The following PSG8 variants were observed in gnomAD, a reference collection of about 807,000 sequenced individuals.
The protein encoded by PSG8 is pregnancy-specific beta-1-glycoprotein 8.
PSG8 carries 57 observed loss-of-function variants against 42.5 expected under a neutral mutation model. That is an observed-to-expected ratio of 1.34 (90% CI 1.08 to 1.67). The LOEUF is 1.67. Among genes scored for constraint, PSG8 ranks in the 40% most tolerant of loss-of-function variants. The pLI is 0.00. For missense variants in PSG8, 783 were observed against 518.6 expected (o/e 1.51, Z -4.95); for synonymous variants, 280 against 196.8 (o/e 1.42, Z -3.54).
chr19:42,763,604 G>T (rs146779263), intron 2 of PSG8: 1 of 462,654 alleles, frequency 2.2e-6, no homozygotes, highest in Non-Finnish European at 3.8e-6. Flanking sequence ...AGTTCTCCAG[G>T]GTCTTTCTCA....
intron 2 of PSG8, among the ~76,000 whole-genome samples, chr19:42,762,760 G>T (rs1489787983): frequency 6.6e-6 from 1 of 152,082 alleles, no homozygotes; most frequent in East Asian, 1.9e-4. Context: ...TGAGGCAGGT[G>T]ATTTAGTTCT....
downstream of PSG8, chr19:42,754,137 T>A (rs1376706372): frequency 1.4e-6 from 2 of 1,397,780 alleles, no homozygotes; most frequent in Non-Finnish European, 1.9e-6. Context: ...GGCTGGGAAT[T>A]TTATGAAGAT....
intron 3 of PSG8, among the ~76,000 whole-genome samples, chr19:42,756,357 G>T (rs560820305): frequency 3.3e-5 from 5 of 152,276 alleles, no homozygotes; most frequent in South Asian, 2.1e-4. Flanking sequence ...TTTCATTTAT[G>T]CAAGGTGGGG....
Position 42,754,515 on chromosome 19 carries a change from C to A in PSG8, c.1061G>T (p.Cys354Phe), listed in dbSNP as rs1568373675. The change falls in exon 5 of 5, where the codon TGT becomes TTT. Residue 354 changes from cysteine (C) to phenylalanine (F), a missense_variant. Coordinates refer to ENST00000306511, the MANE Select transcript of PSG8 (RefSeq NM_182707.3). ...TGCCGGTGGGTTAGAGTCCGCAGAA[C>A]AGGACAAGTAGAGGACTTCTCCTGA... ...YRSGEVLYLSCSADSNPPAQY... is the reference protein window; with the variant it reads ...YRSGEVLYLSFSADSNPPAQY... 6.2e-7 allele frequency: 1 copy of A among 1,613,834 alleles called. No individual in the cohort carries two copies. The highest frequency in any genetic ancestry group is 8.5e-7 in the Non-Finnish European group (1 of 1,179,850).
At position 42,765,447 on chromosome 19, in the gene PSG8, A is replaced by C. The variant is rs980174734; in HGVS notation, c.64+71T>G. The stretch of plus-strand genomic sequence containing the variant: ...CTTCTTTCATTTTTTAGTACCCCAT[A>C]CTCTCAAGGAGACCCCATCCAGTCA... On this transcript the variant is annotated intron_variant, in intron 1 of 4. Transcript: ENST00000306511. 2.0e-4 allele frequency: 325 copies of C among 1,592,096 alleles called. 1 individual carries two copies. Among genetic ancestry groups the C allele is most frequent in the Middle Eastern group, 5.3e-4 (3 of 5,670 alleles).
chr19:42,757,271 G>A (rs192981124), intron 3 of PSG8, among the ~76,000 whole-genome samples: 4 of 152,132 alleles, frequency 2.6e-5, no homozygotes, highest in Non-Finnish European at 5.9e-5. Context: ...CAGAGGGCAG[G>A]TGGCTCTTCC....
chr19:42,752,801 G>T (rs1969814524), downstream of PSG8: 1 of 181,650 alleles, frequency 5.5e-6, no homozygotes, highest in African/African-American at 2.4e-5. Context: ...ATTTAAAGGG[G>T]ACTCTATTAT....
rs200221981 is a variant in PSG8 at position 42,765,548 on chromosome 19, G to A, written c.34C>T (p.Arg12Cys). ...GLLSAPPCTQ[R>C]ITWKGLLLTA... ...AGCAGGAGCCCCTTCCAGGTGATGC[G>A]CTGTGTGCAGGGAGGGGCTGAGAGG... Residue 12 changes from arginine to cysteine, a missense_variant, in exon 1 of 5, where the codon CGC becomes TGC. By Grantham distance (180) the Arg-to-Cys change is radical. Transcript: ENST00000306511. 3.1e-4 allele frequency: 493 copies of A among 1,611,246 alleles called. 7 individuals carry two copies. In the South Asian group the frequency reaches 4.1e-3, roughly 13 times the overall value.
intron 2 of PSG8, among the ~76,000 whole-genome samples, chr19:42,761,386 C>T (rs1448922924): frequency 6.6e-6 from 1 of 152,104 alleles, no homozygotes; most frequent in African/African-American, 2.4e-5. Context: ...AATGTTGGCA[C>T]AGTTTCTATA....
At chr19:42,756,219 T>C (rs1326860491) in intron 3 of PSG8, 1 of 152,200 alleles carries the variant, frequency 6.6e-6, no homozygotes, top group Non-Finnish European at 1.5e-5. Flanking sequence ...CATTCTACTC[T>C]CTGATTCCCT....
intron 4 of PSG8, 151 bp downstream of exon 4, chr19:42,754,837 A>G: frequency 6.7e-7 from 1 of 1,501,180 alleles, no homozygotes; most frequent in Non-Finnish European, 8.9e-7. Flanking sequence ...GTGCCTACCC[A>G]GGTTTTCCCA....
rs141315618 is a variant in PSG8 at position 42,764,650 on chromosome 19, T to G, written c.65-369A>C. ...TTTCTTTCCTGACACCTCCTTCAGATACCCTGGGTCTTCCCTTTCTGACCT... is the reference window on the plus strand; with the variant it reads ...TTTCTTTCCTGACACCTCCTTCAGAGACCCTGGGTCTTCCCTTTCTGACCT... On this transcript the variant is annotated intron_variant, in intron 1 of 4. Transcript: ENST00000306511. 4.5e-4 allele frequency among the ~76,000 whole-genome samples: 68 copies of G among 152,228 alleles called. No homozygotes were observed. In the South Asian group the frequency reaches 6.6e-3, roughly 15 times the overall value.
At chr19:42,755,531 A>G (rs1004158094) in intron 3 of PSG8, 24 of 751,018 alleles carry the variant, frequency 3.2e-5, no homozygotes, top group East Asian at 5.9e-5. Flanking sequence ...ACGTCAGTGG[A>G]AGTCACAGCC....
At position 42,761,167 on chromosome 19, in the gene PSG8, A is replaced by G. The variant is rs566409510; in HGVS notation, c.430+2749T>C. On this transcript the variant is annotated intron_variant, in intron 2 of 4. Coordinates refer to ENST00000306511, the MANE Select transcript of PSG8 (RefSeq NM_182707.3). ...ACTAGCATGCCTGACTCCATCTGGCATCTAGTCTCAGGCTGGCTGTCCTCA... is the reference window on the plus strand; with the variant it reads ...ACTAGCATGCCTGACTCCATCTGGCGTCTAGTCTCAGGCTGGCTGTCCTCA... Among the ~76,000 whole-genome samples the G allele has an allele frequency of 2.0e-5, 3 of 152,312 alleles. No homozygotes were observed. In the East Asian group the frequency reaches 5.8e-4, roughly 29 times the overall value.
In PSG8 at chr19:42,758,744, A is replaced by G. The variant is rs112514072; in HGVS notation, c.431-464T>C. The G allele has an allele frequency of 1.4e-3, 253 of 182,008 alleles. 1 individual carries two copies. Among genetic ancestry groups the G allele is most frequent in the Non-Finnish European group, 2.6e-3 (224 of 85,014 alleles). The allele number at this position is 182,008 out of a possible 1,614,324, so 11.3% of individuals were successfully genotyped here. A position where few individuals can be genotyped will look rare whatever the true frequency, so the allele number is the denominator to read the frequency against. ...TGATGGAACTTCCAATTGTCTTTAA[A>G]CCCTTTGGGTACTGGAAAGCCTGGC... On this transcript the variant is annotated intron_variant, in intron 2 of 4. Transcript: ENST00000306511.
intron 2 of PSG8, among the ~76,000 whole-genome samples, chr19:42,762,417 G>T (rs1161185181): frequency 6.6e-6 from 1 of 152,030 alleles, no homozygotes; most frequent in East Asian, 1.9e-4. Context: ...GGTAGTGGGG[G>T]GATGAAACAT....
intron 3 of PSG8, among the ~76,000 whole-genome samples, chr19:42,757,766 C>T (rs945097803): frequency 7.2e-5 from 11 of 152,296 alleles, no homozygotes; most frequent in South Asian, 2.1e-4. Context: ...TCACCTGTTT[C>T]TCCCATCACA....
chr19:42,761,781 C>G (rs556988754), intron 2 of PSG8, among the ~76,000 whole-genome samples: 5 of 140,272 alleles, frequency 3.6e-5, no homozygotes, highest in Non-Finnish European at 6.1e-5. Context: ...GACTTGGAGT[C>G]GTTAAAATCT....
rs116682333 is a variant in PSG8 at position 42,754,427 on chromosome 19, T to G, written c.1149A>C (p.Gln383His). Reference protein sequence around the residue: ...QLSGQKLFIPQITTKHSGLYA... With the variant: ...QLSGQKLFIPHITTKHSGLYA... ...AGAGCCCGCTATGCTTTGTAGTAATTTGGGGGATAAAGAGCTTTTGTCCTG... is the reference window on the plus strand; with the variant it reads ...AGAGCCCGCTATGCTTTGTAGTAATGTGGGGGATAAAGAGCTTTTGTCCTG... Residue 383 changes from glutamine (Q) to histidine (H), a missense_variant, in exon 5 of 5, where the codon CAA becomes CAC. By Grantham distance (24) the Gln-to-His change is conservative (BLOSUM62 0). Transcript: ENST00000306511. The G allele has an allele frequency of 4.3e-6, 7 of 1,613,782 alleles. No homozygotes were observed. The highest frequency in any genetic ancestry group is 1.3e-5 in the African/African-American group (1 of 74,976).
Sources: gnomAD v4.1 joint callset for allele counts (sites outside exome capture counted in the v4.1 genomes callset) on GRCh38, gnomAD v4.1.1 for gene constraint, MANE v1.5 for transcripts, NCBI Gene and HGNC (gene_info 2026-07-23, HGNC 2026-07-21) for gene names.